KDM6A: variants seen among roughly 807,000 people sequenced by gnomAD.
KDM6A encodes the protein lysine demethylase 6A, also known as lysine-specific demethylase 6A.
Under a neutral mutation model 117.6 loss-of-function variants are expected in KDM6A, and 11 were observed. The observed-to-expected ratio is 0.09, with a 90% CI of 0.06 to 0.15. KDM6A has a LOEUF of 0.15. Among genes scored for constraint, KDM6A ranks in the 10% least tolerant of loss-of-function variants. KDM6A has a pLI of 1.00. For missense variants in KDM6A, 799 were observed against 1,077.3 expected (o/e 0.74, Z 3.62); for synonymous variants, 384 against 396.1 (o/e 0.97, Z 0.36).
chrX:44,969,638 G>A (rs1201384657), intron 3 of KDM6A, among the ~76,000 whole-genome samples: 25 of 109,800 alleles, frequency 2.3e-4, no homozygotes, highest in African/African-American at 8.0e-4. Context: ...GGATGGTCTC[G>A]ATCTCCTGAC....
intron 2 of KDM6A, among the ~76,000 whole-genome samples, chrX:44,923,390 A>G (rs1197030420): frequency 9.4e-6 from 1 of 106,522 alleles, no homozygotes; most frequent in Admixed American, 1.0e-4. Flanking sequence ...GTTTATCAGG[A>G]TATCTGAAAT....
intron 25 of KDM6A, among the ~76,000 whole-genome samples, chrX:45,087,968 G>T (rs974455501): frequency 3.6e-5 from 4 of 110,994 alleles, no homozygotes; most frequent in Non-Finnish European, 5.7e-5. Flanking sequence ...TTATTTTATG[G>T]CTTTAAATAA....
At chrX:45,016,497 GTATT>G (rs2041974624) in intron 5 of KDM6A, among the ~76,000 whole-genome samples, 1 of 104,394 alleles carries the variant, frequency 9.6e-6, no homozygotes, top group Non-Finnish European at 1.9e-5. Context: ...ATGTATGTAT[GTATT>G]TGTTTATTTA....
intron 10 of KDM6A, among the ~76,000 whole-genome samples, chrX:45,057,565 T>C (rs2044125569): frequency 9.0e-6 from 1 of 111,511 alleles, no homozygotes; most frequent in Non-Finnish European, 1.9e-5. Context: ...CTGCCCTACA[T>C]ATTGTTAGAA....
At chrX:45,072,719 A>G (rs1334955402) in intron 18 of KDM6A, among the ~76,000 whole-genome samples, 1 of 110,172 alleles carries the variant, frequency 9.1e-6, no homozygotes, top group African/African-American at 3.3e-5. Flanking sequence ...CAAAACTAAC[A>G]TCATGAACTG....
intron 3 of KDM6A, among the ~76,000 whole-genome samples, chrX:44,970,058 A>T (rs1156826384): frequency 1.8e-5 from 2 of 112,394 alleles, no homozygotes; most frequent in Non-Finnish European, 3.8e-5. Flanking sequence ...GGTGATGGGT[A>T]CTTGCATACT....
chrX:45,045,501 G>A lies in KDM6A; in HGVS notation c.655-6208G>A, dbSNP rs762220482. On this transcript the variant is annotated intron_variant, in intron 8 of 29. Transcript: ENST00000611820. ...CTCGGGAGACTGAGGCAGGAGAATC[G>A]CTTGAATCCAGGAGGTGGAGGTTGC... Among the ~76,000 whole-genome samples the A allele has an allele frequency of 8.5e-5, 9 of 105,974 alleles. No homozygotes were observed. The East Asian group carries it at 2.1e-3, about 24-fold the overall frequency. 92.0% of individuals were successfully genotyped at this position (105,974 alleles called of 115,157 possible).
At chrX:44,934,607 A>T (rs1451721651) in intron 2 of KDM6A, among the ~76,000 whole-genome samples, 3 of 111,414 alleles carry the variant, frequency 2.7e-5, no homozygotes, top group Non-Finnish European at 5.6e-5. Flanking sequence ...GGAAAAAATT[A>T]GGTTCTACTC....
At chrX:45,051,873 A>G in intron 9 of KDM6A, 71 bp downstream of exon 9, 1 of 590,337 alleles carries the variant, frequency 1.7e-6, no homozygotes, top group Non-Finnish European at 2.8e-6. Context: ...GAGTGTGGCA[A>G]ATATGTGGCT....
intron 8 of KDM6A, among the ~76,000 whole-genome samples, chrX:45,042,263 G>GGGAGA (rs2043285622): frequency 1.0e-4 from 1 of 9,850 alleles, no homozygotes; most frequent in African/African-American, 8.7e-4. Flanking sequence ...TGGAGGGAGA[G>GGGAGA]GGGAGAGGGG....
At chrX:45,055,122 T>C (rs1264485775) in intron 10 of KDM6A, among the ~76,000 whole-genome samples, 1 of 111,455 alleles carries the variant, frequency 9.0e-6, no homozygotes, top group Non-Finnish European at 1.9e-5. Context: ...TTAGAAATTA[T>C]CCTGTTTTAA....
chrX:45,029,267 C>A (rs767955586), intron 6 of KDM6A, among the ~76,000 whole-genome samples: 1 of 109,931 alleles, frequency 9.1e-6, no homozygotes, highest in Non-Finnish European at 1.9e-5. Flanking sequence ...AAACCCTATC[C>A]CTACTAAAAA....
chrX:45,059,938 C>G (rs1367091407), intron 12 of KDM6A, 84 bp from the exon 13 acceptor site: 8 of 1,146,848 alleles, frequency 7.0e-6, no homozygotes, highest in Middle Eastern at 2.4e-4. Flanking sequence ...AAACAATTAG[C>G]TATAGCATTT....
intron 2 of KDM6A, among the ~76,000 whole-genome samples, chrX:44,894,836 C>T (rs1308770376): frequency 5.6e-5 from 6 of 106,431 alleles, no homozygotes; most frequent in African/African-American, 1.0e-4. Flanking sequence ...GGCGCGATCT[C>T]GGCTCACTGC....
chrX:44,884,083 C>A (rs1194278097), intron 2 of KDM6A, among the ~76,000 whole-genome samples: 1 of 52,677 alleles, frequency 1.9e-5, no homozygotes, highest in Non-Finnish European at 3.2e-5. Flanking sequence ...GCTTGGGCAA[C>A]AAGAGTGAAA....
chrX:44,896,198 C>T (rs1480057278), intron 2 of KDM6A, among the ~76,000 whole-genome samples: 2 of 109,018 alleles, frequency 1.8e-5, no homozygotes, highest in South Asian at 4.0e-4. Context: ...TTCAGCCTCC[C>T]GAGTAGCTGG....
At chrX:44,961,749 C>G (rs979578608) in intron 3 of KDM6A, among the ~76,000 whole-genome samples, 1 of 111,960 alleles carries the variant, frequency 8.9e-6, no homozygotes, top group Non-Finnish European at 1.9e-5. Context: ...AAAACGTTTC[C>G]ATTTTAGCTC....
intron 2 of KDM6A, among the ~76,000 whole-genome samples, chrX:44,921,714 A>G (rs1220391966): frequency 1.8e-5 from 2 of 111,268 alleles, no homozygotes; most frequent in African/African-American, 6.5e-5. Context: ...TCATCCAATG[A>G]AGGACATTGG....
intron 4 of KDM6A, among the ~76,000 whole-genome samples, chrX:45,008,568 A>C (rs960713970): frequency 3.0e-4 from 33 of 109,847 alleles, no homozygotes; most frequent in African/African-American, 1.1e-3. Flanking sequence ...ACTCTGGATT[A>C]ACTATTACCA....
Sources: gnomAD v4.1 joint callset for allele counts (sites outside exome capture counted in the v4.1 genomes callset) on GRCh38, gnomAD v4.1.1 for gene constraint, MANE v1.5 for transcripts, NCBI Gene and HGNC (gene_info 2026-07-23, HGNC 2026-07-21) for gene names.